The following RNF144A variants were observed in gnomAD, a reference collection of about 807,000 sequenced individuals.
RNF144A encodes E3 ubiquitin-protein ligase RNF144A.
In RNF144A, 11 loss-of-function variants were observed where a neutral mutation model predicts 38.7. The ratio of observed to expected loss-of-function variants is 0.28; its 90% CI spans 0.18 to 0.47. RNF144A has a LOEUF of 0.47. Among genes scored for constraint, RNF144A ranks in the 20% least tolerant of loss-of-function variants. The pLI is 0.99. For synonymous variants in RNF144A, 149 were observed against 143.9 expected, an observed-to-expected ratio of 1.04 and a Z score of -0.25; for missense variants, 316 against 377.2, an observed-to-expected ratio of 0.84 and a Z score of 1.34.
chr2:6,984,758 G>T (rs1179937457), intron 2 of RNF144A, among the ~76,000 whole-genome samples: 1 of 152,236 alleles, frequency 6.6e-6, no homozygotes, highest in Non-Finnish European at 1.5e-5. Context: ...TCCTGATGGT[G>T]CAGATCCTGA....
chr2:7,055,925 T>C lies in RNF144A; in HGVS notation c.735-12291T>C, dbSNP rs563150912. On this transcript the variant is annotated intron_variant, in intron 6 of 6. Transcript: ENST00000432850. Reference sequence around the variant, plus strand: ...CATTGTTTAGACCTTCCTACCCAGATGCTGGGCGAGCATGCACACTCTGTA... The same window carrying C: ...CATTGTTTAGACCTTCCTACCCAGACGCTGGGCGAGCATGCACACTCTGTA... Among the ~76,000 whole-genome samples, 8 of 152,222 alleles carry C rather than the reference T, an allele frequency of 5.3e-5. No homozygotes were observed. The East Asian group carries it at 5.8e-4, about 11-fold the overall frequency.
At chr2:6,995,424 GAGT>G (rs1190940588) in intron 2 of RNF144A, among the ~76,000 whole-genome samples, 1 of 152,128 alleles carries the variant, frequency 6.6e-6, no homozygotes, top group East Asian at 1.9e-4. Context: ...ATATAAAGGG[GAGT>G]TTGTTAGGTA....
intron 2 of RNF144A, among the ~76,000 whole-genome samples, chr2:6,987,944 G>T (rs1669061693): frequency 6.6e-6 from 1 of 152,148 alleles, no homozygotes; most frequent in Non-Finnish European, 1.5e-5. Flanking sequence ...GGGCCCTTCT[G>T]TGTACCTTTC....
At chr2:6,976,385 G>T (rs1262189524) in intron 2 of RNF144A, among the ~76,000 whole-genome samples, 1 of 151,936 alleles carries the variant, frequency 6.6e-6, no homozygotes, top group Non-Finnish European at 1.5e-5. Flanking sequence ...TTCTTTTCCT[G>T]TGAATTTTAT....
chr2:6,981,853 G>A (rs997685078), intron 2 of RNF144A, among the ~76,000 whole-genome samples: 25 of 152,124 alleles, frequency 1.6e-4, no homozygotes, highest in Non-Finnish European at 2.9e-4. Context: ...AGATACTACC[G>A]GCCCACAGGT....
chr2:6,998,595 A>G (rs1029108441), intron 3 of RNF144A, among the ~76,000 whole-genome samples: 3 of 152,226 alleles, frequency 2.0e-5, no homozygotes, highest in African/African-American at 4.8e-5. Context: ...ATTGATCTCA[A>G]TACTGTAGTT....
downstream of RNF144A, among the ~76,000 whole-genome samples, chr2:7,071,276 C>G (rs1448655238): frequency 6.6e-6 from 1 of 152,144 alleles, no homozygotes; most frequent in Non-Finnish European, 1.5e-5. Context: ...GAAACTGACA[C>G]AGAGCCAGCT....
At chr2:6,982,166 T>TG (rs1487929465) in intron 2 of RNF144A, among the ~76,000 whole-genome samples, 1 of 152,098 alleles carries the variant, frequency 6.6e-6, no homozygotes, top group East Asian at 1.9e-4. Flanking sequence ...AAGATTTGGG[T>TG]GGGGACACAG....
intron 7 of RNF144A, 100 bp downstream of exon 7, chr2:7,024,616 T>A: frequency 7.7e-7 from 1 of 1,302,146 alleles, no homozygotes; most frequent in Non-Finnish European, 1.1e-6. Flanking sequence ...GCTTGGTGCC[T>A]ACTCCTGTGT....
chr2:6,999,971 ACATC>A (rs1235247899), intron 3 of RNF144A, among the ~76,000 whole-genome samples: 1 of 152,238 alleles, frequency 6.6e-6, no homozygotes, highest in African/African-American at 2.4e-5. Context: ...ATGTACCAAG[ACATC>A]CACAGCCAGA....
At chr2:7,070,926 T>C (rs891405190), downstream of RNF144A, among the ~76,000 whole-genome samples, 8 of 134,624 alleles carry the variant, frequency 5.9e-5, no homozygotes, top group African/African-American at 2.9e-5. Context: ...GAGATTGCTT[T>C]GCTGAGTTTT....
chr2:7,035,204 C>T (rs1194222109), intron 8 of RNF144A, among the ~76,000 whole-genome samples: 10 of 152,134 alleles, frequency 6.6e-5, no homozygotes, highest in Non-Finnish European at 1.3e-4. Flanking sequence ...CTATATCCCT[C>T]CCATCCATTT....
At chr2:6,948,399 A>G (rs1666474320) in intron 2 of RNF144A, among the ~76,000 whole-genome samples, 1 of 152,236 alleles carries the variant, frequency 6.6e-6, no homozygotes, top group Non-Finnish European at 1.5e-5. Flanking sequence ...GACAGCTATC[A>G]TTTGTTTATC....
At chr2:7,057,556 A>G (rs1445398279) in intron 6 of RNF144A, among the ~76,000 whole-genome samples, 1 of 152,202 alleles carries the variant, frequency 6.6e-6, no homozygotes, top group East Asian at 1.9e-4. Flanking sequence ...TTAGTTTGCC[A>G]AATATTAAAG....
At position 7,039,853 on chromosome 2, in the gene RNF144A, T is replaced by A; in HGVS notation, c.*93T>A. On this transcript the variant is annotated 3_prime_UTR_variant, in exon 9 of 9. Transcript: ENST00000320892. Reference sequence around the variant, plus strand: ...GTCCCCCCTTCACTAAACATCTTTCTTGCCTTATGTGCCCCATTGAGCTTC... The same window carrying A: ...GTCCCCCCTTCACTAAACATCTTTCATGCCTTATGTGCCCCATTGAGCTTC... 1 of 1,528,816 alleles carries A rather than the reference T, an allele frequency of 6.5e-7. No homozygotes were observed. The highest frequency in any genetic ancestry group is 1.3e-5 in the South Asian group (1 of 79,104). 94.7% of individuals were successfully genotyped at this position (1,528,816 alleles called of 1,614,324 possible). A position where few individuals can be genotyped will look rare whatever the true frequency, so the allele number is the denominator to read the frequency against.
intron 2 of RNF144A, among the ~76,000 whole-genome samples, chr2:6,995,081 C>A (rs1669633692): frequency 6.6e-6 from 1 of 152,292 alleles, no homozygotes; most frequent in East Asian, 1.9e-4. Flanking sequence ...ATGTGGAATT[C>A]ACCAGGTGGG....
At chr2:7,068,850 G>A (rs922955340), downstream of RNF144A, among the ~76,000 whole-genome samples, 1 of 152,216 alleles carries the variant, frequency 6.6e-6, no homozygotes, top group Non-Finnish European at 1.5e-5. Flanking sequence ...ATAGACCTGA[G>A]TATCATTGTC....
rs1302894541 is a variant in RNF144A, at chr2:6,920,111, G to A, written c.-212+2489G>A. ...TAGAAGTGCCACTCTGGCAGGCGGCGGCAGGGTTGGGAGCTACAAGCTACG... is the reference window on the plus strand; with the variant it reads ...TAGAAGTGCCACTCTGGCAGGCGGCAGCAGGGTTGGGAGCTACAAGCTACG... On this transcript the variant is annotated intron_variant, in intron 1 of 8. Transcript: ENST00000320892. 7.9e-5 allele frequency among the ~76,000 whole-genome samples: 12 copies of A among 152,330 alleles called. No homozygotes were observed. In the East Asian group the frequency reaches 1.2e-3, roughly 15 times the overall value.
At chr2:6,928,965 G>A (rs146735678) in intron 1 of RNF144A, among the ~76,000 whole-genome samples, 6 of 152,222 alleles carry the variant, frequency 3.9e-5, no homozygotes, top group Middle Eastern at 3.4e-3. Flanking sequence ...GCATTTTGGG[G>A]GTGACATGGA....
Sources: gnomAD v4.1 joint callset for allele counts (sites outside exome capture counted in the v4.1 genomes callset) on GRCh38, gnomAD v4.1.1 for gene constraint, MANE v1.5 for transcripts, NCBI Gene and HGNC (gene_info 2026-07-23, HGNC 2026-07-21) for gene names.